The following YTHDF1 variants were observed in gnomAD, a reference collection of about 807,000 sequenced individuals.
YTHDF1 encodes the protein YTH domain-containing family protein 1.
In YTHDF1, 16 loss-of-function variants were observed where a neutral mutation model predicts 49.1. The observed-to-expected ratio is 0.33, with a 90% CI of 0.22 to 0.49. YTHDF1 has a LOEUF of 0.49. YTHDF1 is among the 20% of genes least tolerant of loss of function. The pLI, the probability that YTHDF1 is intolerant of heterozygous loss-of-function variation, is 0.99. For missense variants in YTHDF1, 621 were observed against 744.3 expected, an observed-to-expected ratio of 0.83 and a Z score of 1.93; for synonymous variants, 313 against 290.1, an observed-to-expected ratio of 1.08 and a Z score of -0.80.
At chr20:63,200,971 G>A (rs754110118) in intron 4 of YTHDF1, among the ~76,000 whole-genome samples, 21 of 151,966 alleles carry the variant, frequency 1.4e-4, no homozygotes, top group Non-Finnish European at 2.8e-4. Flanking sequence ...CTCGAACCCA[G>A]GAGGTGGAGG....
At chr20:63,205,104 C>T (rs768618603) in intron 3 of YTHDF1, among the ~76,000 whole-genome samples, 11 of 152,198 alleles carry the variant, frequency 7.2e-5, no homozygotes, top group Non-Finnish European at 1.5e-4. Context: ...CCCAGTCCCC[C>T]AAGTAACCAG....
intron 3 of YTHDF1, among the ~76,000 whole-genome samples, chr20:63,212,249 G>A (rs371193234): frequency 9.2e-5 from 14 of 152,248 alleles, no homozygotes; most frequent in South Asian, 2.1e-4. Flanking sequence ...GGGTCGGAGC[G>A]CGGGGCAGCG....
At position 63,196,721 on chromosome 20, in the gene YTHDF1, C is replaced by T. The variant is rs377660170; in HGVS notation, c.1667G>A (p.Arg556Gln). ...EEVVRKERQS[R>Q]NKQ is the part of the protein sequence containing the mutation. ...ACTGGTTCGCCCTCATTGTTTGTTT[C>T]GACTCTGCCGTTCCTGTAAAAAGAA... Residue 556 changes from arginine to glutamine, a missense_variant, in exon 5 of 5, where the codon CGA becomes CAA. Physicochemically the swap from Arg to Gln is conservative, Grantham distance 43. This residue lies in a region of YTHDF1 where 151 missense variants were observed against 248.5 expected (regional missense o/e 0.61). Coordinates refer to ENST00000370339, the MANE Select transcript of YTHDF1 (RefSeq NM_017798.4). 21 of 1,613,938 alleles carry T rather than the reference C, an allele frequency of 1.3e-5. No homozygotes were observed. In the African/African-American group the frequency reaches 2.5e-4, roughly 19 times the overall value.
chr20:63,204,590 T>A (rs2122980485), intron 3 of YTHDF1, among the ~76,000 whole-genome samples: 1 of 152,272 alleles, frequency 6.6e-6, no homozygotes. Flanking sequence ...GTGCTCCGGG[T>A]GCAGAGCAGC....
At chr20:63,212,966 T>G (rs1568995188) in intron 3 of YTHDF1, among the ~76,000 whole-genome samples, 1 of 152,240 alleles carries the variant, frequency 6.6e-6, no homozygotes, top group Non-Finnish European at 1.5e-5. Flanking sequence ...AGGGCAGCTA[T>G]GACTCACTGG....
rs780077545 is a variant in YTHDF1 at position 63,202,276 on chromosome 20, C to T, written c.1653+11G>A. On this transcript the variant is annotated intron_variant, in intron 4 of 4. Coordinates refer to ENST00000370339, the MANE Select transcript of YTHDF1 (RefSeq NM_017798.4). ...ATCTGCATGGCAGTTGCCTGCAACA[C>T]CCAGCCTCACCTTGCGCACCACCTC... is the stretch of plus-strand genomic sequence containing the variant. The T allele has an allele frequency of 1.9e-6, 3 of 1,606,144 alleles. No individual in the cohort carries two copies. The highest frequency in any genetic ancestry group is 1.7e-4 in the Middle Eastern group (1 of 5,902).
At position 63,216,029 on chromosome 20, in the gene YTHDF1, G is replaced by T; in HGVS notation, c.-137C>A. 7 of 713,178 alleles carry T rather than the reference G, an allele frequency of 9.8e-6. No individual in the cohort carries two copies. Among genetic ancestry groups the T allele is most frequent in the South Asian group, 6.1e-5 (1 of 16,520 alleles). The allele number at this position is 713,178 out of a possible 1,614,324, so 44.2% of individuals were successfully genotyped here. The stretch of plus-strand genomic sequence containing the variant: ...CGGGCGCCGGCCGGGCGGCGGCGGC[G>T]GCTGCTGGGCGCGCGGGCCCCTGGC... On this transcript the variant is annotated 5_prime_UTR_variant, in exon 1 of 5. Transcript: ENST00000370339.
At chr20:63,205,760 C>T (rs1218511833) in intron 3 of YTHDF1, among the ~76,000 whole-genome samples, 6 of 152,178 alleles carry the variant, frequency 3.9e-5, no homozygotes, top group Admixed American at 1.3e-4. Flanking sequence ...CCACCCGCCT[C>T]GGCCTCCCAA....
At position 63,198,921 on chromosome 20, in the gene YTHDF1, C is replaced by G. The variant is rs562633285; in HGVS notation, c.1654-2187G>C. ...TGGCCGTTTCTAGGTTTTTTTAAAA[C>G]CAAAAAATGTATCAACCCAGGACTT... On this transcript the variant is annotated intron_variant, in intron 4 of 4. Transcript: ENST00000370339. Among the ~76,000 whole-genome samples the G allele has an allele frequency of 2.9e-3, 443 of 152,162 alleles. 2 individuals are homozygous for G. The highest frequency in any genetic ancestry group is 5.2e-3 in the Admixed American group (79 of 15,278).
intron 2 of YTHDF1, among the ~76,000 whole-genome samples, chr20:63,214,544 T>C (rs2066591907): frequency 6.6e-6 from 1 of 152,140 alleles, no homozygotes; most frequent in South Asian, 2.1e-4. Context: ...TTTTATACAT[T>C]TTAGGGAGAC....
chr20:63,207,400 C>T (rs1034168327), intron 3 of YTHDF1, among the ~76,000 whole-genome samples: 1 of 151,702 alleles, frequency 6.6e-6, no homozygotes, highest in Non-Finnish European at 1.5e-5. Flanking sequence ...ACCCGGGAGG[C>T]GGAGCTTGCA....
chr20:63,202,058 C>G (rs991994037), intron 4 of YTHDF1, among the ~76,000 whole-genome samples: 1 of 152,276 alleles, frequency 6.6e-6, no homozygotes, highest in Non-Finnish European at 1.5e-5. Flanking sequence ...CAAAGTCGTT[C>G]GGTGACATCT....
chr20:63,207,607 C>T (rs569067683), intron 3 of YTHDF1, among the ~76,000 whole-genome samples: 79 of 152,318 alleles, frequency 5.2e-4, no homozygotes, highest in African/African-American at 1.8e-3. Flanking sequence ...AAACCATGAT[C>T]CTGTTACTCT....
chr20:63,196,582 G>T lies in YTHDF1; in HGVS notation c.*126C>A. ...CAGATCCATCTGGGCAAAAATCAACGACAAGAAAGGCAAAGATGCAACACT... is the reference window on the plus strand; with the variant it reads ...CAGATCCATCTGGGCAAAAATCAACTACAAGAAAGGCAAAGATGCAACACT... On this transcript the variant is annotated 3_prime_UTR_variant, in exon 5 of 5. Coordinates refer to ENST00000370339, the MANE Select transcript of YTHDF1 (RefSeq NM_017798.4). 2 of 1,133,710 alleles carry T rather than the reference G, an allele frequency of 1.8e-6. No homozygotes were observed. The highest frequency in any genetic ancestry group is 2.5e-6 in the Non-Finnish European group (2 of 786,920). 70.2% of individuals were successfully genotyped at this position (1,133,710 alleles called of 1,614,324 possible).
chr20:63,208,057 AC>A (rs2066556649), intron 3 of YTHDF1, among the ~76,000 whole-genome samples: 1 of 152,128 alleles, frequency 6.6e-6, no homozygotes, highest in South Asian at 2.1e-4. Flanking sequence ...CTCAAATTTA[AC>A]CACATTAAAA....
chr20:63,204,101 C>A (rs2066533393), intron 3 of YTHDF1, among the ~76,000 whole-genome samples: 1 of 152,218 alleles, frequency 6.6e-6, no homozygotes, highest in Non-Finnish European at 1.5e-5. Context: ...GTAGCAGCCC[C>A]CTCTACTCTT....
Position 63,196,705 on chromosome 20 carries a change from C to CCCT in YTHDF1, c.1680_*2dup, listed in dbSNP as rs1568989306. On this transcript the variant is annotated 3_prime_UTR_variant, in exon 5 of 5. Coordinates refer to ENST00000370339, the MANE Select transcript of YTHDF1 (RefSeq NM_017798.4). ...TTAGAACATGTAAGAAACTGGTTCG[C>CCCT]CCTCATTGTTTGTTTCGACTCTGCC... 6.2e-7 allele frequency: 1 copy of CCCT among 1,613,950 alleles called. No individual in the cohort carries two copies. Among genetic ancestry groups the CCCT allele is most frequent in the African/African-American group, 1.3e-5 (1 of 75,042 alleles).
At chr20:63,213,793 A>C (rs2066587481) in intron 3 of YTHDF1, 71 bp downstream of exon 3, 13 of 1,357,342 alleles carry the variant, frequency 9.6e-6, no homozygotes, top group Middle Eastern at 1.8e-4. Flanking sequence ...TAAAAATCAG[A>C]AATGACAGTA....
chr20:63,199,861 C>T (rs1189569703), intron 4 of YTHDF1, among the ~76,000 whole-genome samples: 1 of 152,142 alleles, frequency 6.6e-6, no homozygotes, highest in Non-Finnish European at 1.5e-5. Flanking sequence ...GAGTTCAAGA[C>T]CAGCCTGGGC....
Sources: gnomAD v4.1 joint callset for allele counts (sites outside exome capture counted in the v4.1 genomes callset) on GRCh38, gnomAD v4.1.1 for gene constraint, gnomAD v4.1.1 regional missense constraint, MANE v1.5 for transcripts, NCBI Gene and HGNC (gene_info 2026-07-23, HGNC 2026-07-21) for gene names.